PHF8: variants seen among roughly 807,000 people sequenced by gnomAD.
The protein encoded by PHF8 is histone lysine demethylase PHF8.
In PHF8, 9 loss-of-function variants were observed where a neutral mutation model predicts 74.4. The observed-to-expected ratio is 0.12, with a 90% CI of 0.07 to 0.21. The LOEUF (loss-of-function observed/expected upper bound fraction) is 0.21, where lower values mean the gene tolerates loss of function less well. Among genes scored for constraint, PHF8 ranks in the 10% least tolerant of loss-of-function variants. The pLI, the probability that PHF8 is intolerant of heterozygous loss-of-function variation, is 1.00. For synonymous variants in PHF8, 311 were observed against 316.6 expected, an observed-to-expected ratio of 0.98 and a Z score of 0.19; for missense variants, 478 against 816.6, an observed-to-expected ratio of 0.59 and a Z score of 5.05.
Position 53,984,920 on chromosome X carries a change from C to G in PHF8, c.2437G>C (p.Glu813Gln). The G allele has an allele frequency of 8.3e-7, 1 of 1,208,518 alleles. No individual in the cohort carries two copies. Among genetic ancestry groups the G allele is most frequent in the Non-Finnish European group, 1.1e-6 (1 of 892,618 alleles). ...TGTGCTTAGCTGCCCTTACTATACT[C>G]TGCATCCTTGAAGCACGCTCCCAAG... The part of the protein sequence containing the change: ...DSLGACFKDA[E>Q]YIYPSLESDD... Residue 813 changes from glutamate (E) to glutamine (Q), a missense_variant, in exon 18 of 22, where the codon GAG (glutamate) becomes CAG (glutamine). Glu to Gln is a conservative substitution (Grantham distance 29). Around this residue, in one of 9 missense-constraint regions of PHF8, gnomAD observed 35 missense variants for 78.8 expected, o/e 0.44. Coordinates refer to ENST00000338154, the MANE Select transcript of PHF8 (RefSeq NM_015107.3).
At chrX:53,993,135 G>A in intron 13 of PHF8, 1 of 352,230 alleles carries the variant, frequency 2.8e-6, no homozygotes, top group South Asian at 3.9e-5. Context: ...GAGCCCTGGT[G>A]GAGGGCTTTT....
chrX:53,996,384 GAT>G (rs2065748673), intron 11 of PHF8, among the ~76,000 whole-genome samples: 1 of 109,141 alleles, frequency 9.2e-6, no homozygotes, highest in Non-Finnish European at 1.9e-5. Flanking sequence ...AAAGTGCTGG[GAT>G]TACAGGCATG....
intron 5 of PHF8, among the ~76,000 whole-genome samples, 183 bp downstream of exon 5, chrX:54,017,478 A>T (rs1178187415): frequency 2.7e-5 from 3 of 112,038 alleles, no homozygotes; most frequent in Non-Finnish European, 5.6e-5. Context: ...GCATGAAAGG[A>T]GAACAAAGAG....
intron 18 of PHF8, among the ~76,000 whole-genome samples, chrX:53,982,236 TGA>T (rs1259868955): frequency 8.9e-6 from 1 of 112,495 alleles, no homozygotes; most frequent in Non-Finnish European, 1.9e-5. Context: ...AGCTCAAAGA[TGA>T]GAGCCTTGGT....
chrX:54,048,297 C>G (rs2066643098), upstream of PHF8, among the ~76,000 whole-genome samples: 2 of 111,160 alleles, frequency 1.8e-5, no homozygotes, highest in Admixed American at 9.6e-5. Context: ...CTGTGTGTAC[C>G]CTTAGGGAAT....
chrX:54,043,545 A>T (rs782569619), intron 1 of PHF8, among the ~76,000 whole-genome samples: 4 of 111,133 alleles, frequency 3.6e-5, no homozygotes, highest in African/African-American at 9.8e-5. Flanking sequence ...CATCCCTGAA[A>T]CTCAAAAGGA....
chrX:54,032,362 C>G (rs1256412599), intron 2 of PHF8, among the ~76,000 whole-genome samples: 3 of 110,470 alleles, frequency 2.7e-5, no homozygotes, highest in Non-Finnish European at 5.7e-5. Flanking sequence ...CACCCCTGAC[C>G]CTTAACCTCA....
chrX:53,985,252 TGA>T (rs2065543721), intron 17 of PHF8, 25 bp from the exon 18 acceptor site: 4 of 1,125,422 alleles, frequency 3.6e-6, no homozygotes, highest in East Asian at 3.1e-5. Flanking sequence ...GGAGAAATAC[TGA>T]GAGAGTTGTT....
intron 8 of PHF8, among the ~76,000 whole-genome samples, chrX:54,006,381 C>T (rs1253824522): frequency 9.1e-6 from 1 of 110,149 alleles, no homozygotes; most frequent in Non-Finnish European, 1.9e-5. Flanking sequence ...ACTTGGGAGG[C>T]TGAGGTGGGA....
chrX:54,033,616 G>C (rs1373524223), intron 2 of PHF8, among the ~76,000 whole-genome samples: 1 of 112,044 alleles, frequency 8.9e-6, no homozygotes, highest in Non-Finnish European at 1.9e-5. Flanking sequence ...GGGAGGCTGA[G>C]GCAGGAGAAT....
chrX:54,022,330 T>C lies in PHF8; in HGVS notation c.222A>G (p.Thr74=), dbSNP rs966855089. Residue 74 remains threonine, a synonymous_variant, in exon 4 of 22, where the codon ACA becomes ACG. Coordinates refer to ENST00000338154, the MANE Select transcript of PHF8 (RefSeq NM_015107.3). ...KRRGSSKGHD[T]HKGKPVKTGS... is the part of the protein sequence containing the mutation. ...CGGTCTTCACTGGTTTCCCCTTGTG[T>C]GTATCATGCCCCTTTGAAGATCCAC... 10 of 1,204,637 alleles carry C rather than the reference T, an allele frequency of 8.3e-6. No homozygotes were observed. Among genetic ancestry groups the C allele is most frequent in the Non-Finnish European group, 1.1e-5 (10 of 890,367 alleles).
intron 2 of PHF8, among the ~76,000 whole-genome samples, chrX:54,025,645 T>C (rs1557111269): frequency 3.6e-5 from 4 of 111,187 alleles, no homozygotes; most frequent in Non-Finnish European, 1.9e-5. Flanking sequence ...CAGAGACTGT[T>C]ACCTCTACTC....
In PHF8 at chrX:53,937,675, G is replaced by A; in HGVS notation, c.*1483C>T. 1 of 269,531 alleles carries A rather than the reference G, an allele frequency of 3.7e-6. No homozygotes were observed. The highest frequency in any genetic ancestry group is 5.8e-5 in the Admixed American group (1 of 17,134). The allele number at this position is 269,531 out of a possible 1,213,427, so 22.2% of individuals were successfully genotyped here. The stretch of plus-strand genomic sequence containing the variant: ...GAGGCAGGGCTATGGAGAAAAGAAA[G>A]ACAAACTGGAGATACAAAGATGACA... On this transcript the variant is annotated 3_prime_UTR_variant, in exon 22 of 22. Transcript: ENST00000338154.
chrX:53,955,162 T>C (rs782447479), intron 19 of PHF8, among the ~76,000 whole-genome samples: 37 of 112,092 alleles, frequency 3.3e-4, no homozygotes, highest in Admixed American at 1.2e-3. Flanking sequence ...CCCAATTTAC[T>C]GAATTCTCTT....
Position 53,995,571 on chromosome X carries a change from T to C in PHF8, c.1323+122A>G, listed in dbSNP as rs782290792. The C allele has an allele frequency of 7.7e-5, 39 of 506,215 alleles. No individual in the cohort carries two copies. In the Admixed American group the frequency reaches 1.1e-3, roughly 14 times the overall value. The allele number at this position is 506,215 out of a possible 1,213,427, so 41.7% of individuals were successfully genotyped here. The stretch of plus-strand genomic sequence containing the variant: ...TAATTATTTGAACGAATGAATTGGG[T>C]CTTTGGTAGGGTCTTCCCGACCCTT... On this transcript the variant is annotated intron_variant, in intron 12 of 21. Transcript: ENST00000338154.
intron 18 of PHF8, among the ~76,000 whole-genome samples, chrX:53,970,517 T>G (rs1018289730): frequency 1.3e-4 from 14 of 111,483 alleles, no homozygotes; most frequent in East Asian, 8.4e-4. Context: ...TAAATGTAAA[T>G]GGGCTAAATA....
chrX:53,967,525 G>A (rs1219407199), intron 18 of PHF8, among the ~76,000 whole-genome samples: 1 of 104,271 alleles, frequency 9.6e-6, no homozygotes, highest in East Asian at 3.3e-4. Context: ...CAGCCGCCCC[G>A]TCCGGGAGGT....
chrX:53,945,012 ACT>A (rs2064810631), intron 19 of PHF8, among the ~76,000 whole-genome samples: 1 of 108,496 alleles, frequency 9.2e-6, no homozygotes, highest in Non-Finnish European at 1.9e-5. Context: ...ACACAGTGAA[ACT>A]CTGTCTCAAA....
rs781860618 is a variant in PHF8 at position 54,020,165 on chromosome X, G to A, written c.293+2094C>T. On this transcript the variant is annotated intron_variant, in intron 4 of 21. Coordinates refer to ENST00000338154, the MANE Select transcript of PHF8 (RefSeq NM_015107.3). ...CACGCCATTGCACTCCAGCCTGGGG[G>A]ACAAGAGCGAGACATCGTCTCAAAA... Among the ~76,000 whole-genome samples the A allele has an allele frequency of 5.7e-4, 64 of 112,085 alleles. No individual in the cohort carries two copies. In the South Asian group the frequency reaches 0.013, roughly 22 times the overall value.
Sources: allele counts gnomAD v4.1 joint callset (sites outside exome capture counted in the v4.1 genomes callset), GRCh38; gene constraint gnomAD v4.1.1; regional missense constraint gnomAD v4.1.1; transcripts MANE v1.5; gene names NCBI Gene and HGNC (gene_info 2026-07-23, HGNC 2026-07-21).